UTP6: variants seen among roughly 807,000 people sequenced by gnomAD.
The protein encoded by UTP6 is UTP6 small subunit processome component.
A neutral mutation model predicts 96.5 loss-of-function variants in UTP6; 60 were observed. The ratio of observed to expected loss-of-function variants is 0.62; its 90% CI spans 0.51 to 0.77. The LOEUF (loss-of-function observed/expected upper bound fraction) is 0.77, where lower values mean the gene tolerates loss of function less well. Ranked by LOEUF, UTP6 falls within the 30% of genes least tolerant of loss-of-function variation. UTP6 has a pLI of 0.00. For synonymous variants in UTP6, 215 were observed against 240.1 expected (o/e 0.90, Z 0.96); for missense variants, 637 against 706.5 (o/e 0.90, Z 1.12).
At chr17:31,886,745 A>T (rs1271986439) in intron 8 of UTP6, 1 of 152,930 alleles carries the variant, frequency 6.5e-6, no homozygotes, top group Non-Finnish European at 1.5e-5. Flanking sequence ...TAAATCTTTT[A>T]ATTATTCTGT....
rs979567557 is a variant in UTP6, at chr17:31,862,555, C to T, written c.*804G>A. The T allele has an allele frequency of 1.3e-5, 2 of 151,822 alleles. No homozygotes were observed. The highest frequency in any genetic ancestry group is 2.9e-5 in the Non-Finnish European group (2 of 67,992). 9.4% of individuals were successfully genotyped at this position (151,822 alleles called of 1,614,324 possible). A position where few individuals can be genotyped will look rare whatever the true frequency, so the allele number is the denominator to read the frequency against. On this transcript the variant is annotated 3_prime_UTR_variant, in exon 19 of 19. Coordinates refer to ENST00000261708, the MANE Select transcript of UTP6 (RefSeq NM_018428.3). Reference sequence around the variant, plus strand: ...ATCTTTTATAATGAGAATAAACCAACAAAACTGTACTTTCTCCTTTTTTTT... The same window carrying T: ...ATCTTTTATAATGAGAATAAACCAATAAAACTGTACTTTCTCCTTTTTTTT...
chr17:31,896,117 G>C (rs9789008), intron 2 of UTP6, among the ~76,000 whole-genome samples: 2 of 150,474 alleles, frequency 1.3e-5, no homozygotes, highest in Non-Finnish European at 3.0e-5. Context: ...TCGCTCTGTC[G>C]CCCAGGCTGA....
intron 17 of UTP6, 84 bp downstream of exon 17, chr17:31,867,962 A>C: frequency 6.9e-7 from 1 of 1,441,076 alleles, no homozygotes; most frequent in South Asian, 1.2e-5. Flanking sequence ...CCTCAAAAAA[A>C]ACAAAAAAAC....
At chr17:31,883,678 G>A (rs373058961) in intron 10 of UTP6, among the ~76,000 whole-genome samples, 3 of 151,638 alleles carry the variant, frequency 2.0e-5, no homozygotes, top group East Asian at 3.9e-4. Flanking sequence ...ACTCAATCAG[G>A]AAGATACTTT....
intron 17 of UTP6, among the ~76,000 whole-genome samples, chr17:31,867,648 G>A (rs1909901734): frequency 1.3e-5 from 2 of 151,822 alleles, no homozygotes; most frequent in Non-Finnish European, 2.9e-5. Flanking sequence ...ATTATAATGA[G>A]AGCTTTTTAC....
intron 7 of UTP6, among the ~76,000 whole-genome samples, chr17:31,889,056 A>G (rs2142315510): frequency 6.6e-6 from 1 of 150,682 alleles, no homozygotes; most frequent in Non-Finnish European, 1.5e-5. Context: ...TGGGCAACAG[A>G]GCAAGACTGT....
chr17:31,891,220 C>T (rs1361160966), intron 6 of UTP6, among the ~76,000 whole-genome samples: 1 of 152,124 alleles, frequency 6.6e-6, no homozygotes, highest in African/African-American at 2.4e-5. Context: ...CTTCCTTGAA[C>T]ATGTGACTCC....
intron 5 of UTP6, 75 bp from the exon 6 acceptor site, chr17:31,892,398 T>C: frequency 1.4e-6 from 2 of 1,419,894 alleles, no homozygotes; most frequent in Non-Finnish European, 2.0e-6. Context: ...ATATGTACCC[T>C]AACTTTACCA....
At chr17:31,880,544 A>G (rs1215571983) in intron 11 of UTP6, 29 bp downstream of exon 11, 1 of 1,613,638 alleles carries the variant, frequency 6.2e-7, no homozygotes, top group African/African-American at 1.3e-5. Context: ...TATTCCTTCT[A>G]TATCACACCA....
chr17:31,875,538 A>C, intron 13 of UTP6, 125 bp from the exon 14 acceptor site: 1 of 1,164,050 alleles, frequency 8.6e-7, no homozygotes, highest in South Asian at 1.6e-5. Flanking sequence ...TTAAAATAAA[A>C]AAGAGGCCAG....
At chr17:31,871,046 G>A (rs1910142418) in intron 16 of UTP6, among the ~76,000 whole-genome samples, 1 of 147,524 alleles carries the variant, frequency 6.8e-6, no homozygotes, top group African/African-American at 2.5e-5. Context: ...CTGGAATGCA[G>A]TGGCGCGATC....
intron 17 of UTP6, among the ~76,000 whole-genome samples, chr17:31,865,660 G>T (rs1056331597): frequency 2.0e-5 from 3 of 152,186 alleles, no homozygotes; most frequent in African/African-American, 4.8e-5. Context: ...GTAGCATGGA[G>T]AAAAGTGCTA....
At chr17:31,882,024 T>G (rs1006124813) in intron 10 of UTP6, among the ~76,000 whole-genome samples, 21 of 152,040 alleles carry the variant, frequency 1.4e-4, no homozygotes, top group Non-Finnish European at 2.6e-4. Context: ...TTTGTGTGTG[T>G]GTGTGTGTTT....
intron 7 of UTP6, chr17:31,887,936 G>A (rs1911245633): frequency 8.5e-6 from 1 of 117,804 alleles, no homozygotes; most frequent in African/African-American, 3.3e-5. Flanking sequence ...ACTCCTGCCT[G>A]AGCAACAAGA....
Position 31,862,121 on chromosome 17 carries a change from C to T in UTP6, c.*1238G>A, listed in dbSNP as rs1417277049. ...CCAGCCTGGCCAATATGATGAAACCCCCGCACTACTAAAAATACAAAAATT... is the reference window on the plus strand; with the variant it reads ...CCAGCCTGGCCAATATGATGAAACCTCCGCACTACTAAAAATACAAAAATT... On this transcript the variant is annotated 3_prime_UTR_variant, in exon 19 of 19. Coordinates refer to ENST00000261708, the MANE Select transcript of UTP6 (RefSeq NM_018428.3). 1 of 152,170 alleles carries T rather than the reference C, an allele frequency of 6.6e-6. No individual in the cohort carries two copies. Among genetic ancestry groups the T allele is most frequent in the Non-Finnish European group, 1.5e-5 (1 of 68,052 alleles). 9.4% of individuals were successfully genotyped at this position (152,170 alleles called of 1,614,324 possible).
At chr17:31,881,745 G>A (rs1376759845) in intron 10 of UTP6, among the ~76,000 whole-genome samples, 1 of 152,168 alleles carries the variant, frequency 6.6e-6, no homozygotes, top group Non-Finnish European at 1.5e-5. Context: ...CCAGGCTGGA[G>A]TGCAGTGGTG....
At chr17:31,900,996 A>G (rs1904948512) in intron 1 of UTP6, among the ~76,000 whole-genome samples, 1 of 152,194 alleles carries the variant, frequency 6.6e-6, no homozygotes, top group South Asian at 2.1e-4. Context: ...GAAACCATTA[A>G]AAACTATTAA....
At chr17:31,881,957 T>G (rs1478587909) in intron 10 of UTP6, among the ~76,000 whole-genome samples, 1 of 152,138 alleles carries the variant, frequency 6.6e-6, no homozygotes, top group Admixed American at 6.6e-5. Flanking sequence ...AGTGTTGGGA[T>G]TACAGCCCCT....
intron 10 of UTP6, among the ~76,000 whole-genome samples, chr17:31,883,937 G>A (rs1484293852): frequency 6.6e-6 from 1 of 151,902 alleles, no homozygotes; most frequent in Non-Finnish European, 1.5e-5. Flanking sequence ...CCAAAGTACT[G>A]GGATCCCAAA....
Sources: gnomAD v4.1 joint callset for allele counts (sites outside exome capture counted in the v4.1 genomes callset) on GRCh38, gnomAD v4.1.1 for gene constraint, MANE v1.5 for transcripts, NCBI Gene and HGNC (gene_info 2026-07-23, HGNC 2026-07-21) for gene names.